WRN: variants seen among roughly 807,000 people sequenced by gnomAD.
WRN encodes the protein WRN RecQ like helicase, also known as bifunctional 3'-5' exonuclease/ATP-dependent helicase WRN.
Under a neutral mutation model 180.7 loss-of-function variants are expected in WRN, and 149 were observed. The ratio of observed to expected loss-of-function variants is 0.82; its 90% CI spans 0.72 to 0.94. The LOEUF (loss-of-function observed/expected upper bound fraction) is 0.94, where lower values mean the gene tolerates loss of function less well. Among genes scored for constraint, WRN ranks in the 40% least tolerant of loss-of-function variants. WRN has a pLI of 0.00. For synonymous variants in WRN, 548 were observed against 568.9 expected (o/e 0.96, Z 0.52); for missense variants, 1,661 against 1,700.1 (o/e 0.98, Z 0.40).
rs1439196176 is a variant in WRN at position 31,149,469 on chromosome 8, T to TTG, written c.3573-871_3573-870insGT. On this transcript the variant is annotated intron_variant, in intron 30 of 34. Coordinates refer to ENST00000298139, the MANE Select transcript of WRN (RefSeq NM_000553.6). Reference sequence around the variant, plus strand: ...TTAATAGAGGTGTTTTTTTTTTTTTTTTTTTTTTTTTTTTTTTTTTTTGGT... The same window carrying TTG: ...TTAATAGAGGTGTTTTTTTTTTTTTTTGTTTTTTTTTTTTTTTTTTTTTTGGT... Among the ~76,000 whole-genome samples the TTG allele has an allele frequency of 9.3e-4, 67 of 71,956 alleles. 15 individuals are homozygous for TTG. The highest frequency in any genetic ancestry group is 1.2e-3 in the Non-Finnish European group (42 of 33,648). 47.2% of individuals were successfully genotyped at this position (71,956 alleles called of 152,430 possible).
At chr8:31,155,315 A>G (rs1803337372) in intron 32 of WRN, among the ~76,000 whole-genome samples, 1 of 152,114 alleles carries the variant, frequency 6.6e-6, no homozygotes, top group Admixed American at 6.6e-5. Context: ...AAACAATCTA[A>G]TTGCTGTAAC....
chr8:31,146,699 T>A lies in WRN; in HGVS notation c.3384-354T>A, dbSNP rs1802869028. On this transcript the variant is annotated intron_variant, in intron 28 of 34. Transcript: ENST00000298139. ...TTAAGAAACCTTGGTTAAAACCTGT[T>A]GTATCCCAGTAAGTTAAAAGACGTT... Among the ~76,000 whole-genome samples the A allele has an allele frequency of 2.0e-5, 3 of 152,216 alleles. No homozygotes were observed. The South Asian group carries it at 6.2e-4, about 32-fold the overall frequency.
intron 1 of WRN, among the ~76,000 whole-genome samples, chr8:31,052,325 T>C (rs1812106488): frequency 6.6e-6 from 1 of 152,210 alleles, no homozygotes; most frequent in Non-Finnish European, 1.5e-5. Context: ...TAACCACTAA[T>C]GTTTTGGTAT....
intron 1 of WRN, among the ~76,000 whole-genome samples, chr8:31,038,381 ACTGT>A (rs138721167): frequency 2.0e-5 from 3 of 151,936 alleles, no homozygotes; most frequent in East Asian, 1.9e-4. Flanking sequence ...TTCTTTGGGA[ACTGT>A]CTATTAAGTC....
At chr8:31,106,251 C>T (rs1416555839) in intron 18 of WRN, among the ~76,000 whole-genome samples, 1 of 152,112 alleles carries the variant, frequency 6.6e-6, no homozygotes, top group African/African-American at 2.4e-5. Flanking sequence ...GCCACCATCT[C>T]CTTAGGGCCT....
intron 21 of WRN, among the ~76,000 whole-genome samples, chr8:31,123,775 T>C (rs1306848776): frequency 1.3e-5 from 2 of 152,136 alleles, no homozygotes; most frequent in Non-Finnish European, 2.9e-5. Context: ...GCAAAGCTAT[T>C]TGGGAGATTG....
chr8:31,083,580 T>C (rs536756412), intron 9 of WRN, 119 bp from the exon 10 acceptor site: 2 of 618,832 alleles, frequency 3.2e-6, no homozygotes, highest in African/African-American at 3.7e-5. Flanking sequence ...ATATATTATA[T>C]ATCCATTAGG....
chr8:31,086,240 T>C (rs1813526270), intron 11 of WRN, among the ~76,000 whole-genome samples: 1 of 152,102 alleles, frequency 6.6e-6, no homozygotes, highest in African/African-American at 2.4e-5. Context: ...TTATTGACTT[T>C]TTTAGTTTTG....
rs1804166112 is a variant in WRN, at chr8:31,173,116, A to G, written c.*14A>G. 3.1e-6 allele frequency: 5 copies of G among 1,601,792 alleles called. No homozygotes were observed. The highest frequency in any genetic ancestry group is 3.3e-5 in the Admixed American group (2 of 60,014). ...CTTTTTAGTTAAGCTGGCAATTACC[A>G]GAACAATTATGTTTCTTGCTGTATT... On this transcript the variant is annotated 3_prime_UTR_variant, in exon 35 of 35. Coordinates refer to ENST00000298139, the MANE Select transcript of WRN (RefSeq NM_000553.6).
At chr8:31,151,745 C>G (rs2130459080) in intron 31 of WRN, among the ~76,000 whole-genome samples, 1 of 152,080 alleles carries the variant, frequency 6.6e-6, no homozygotes, top group East Asian at 1.9e-4. Flanking sequence ...GGTATGAAAC[C>G]TTTATGAACC....
chr8:31,155,550 A>G (rs984307129), intron 32 of WRN, among the ~76,000 whole-genome samples: 9 of 148,086 alleles, frequency 6.1e-5, no homozygotes, highest in Non-Finnish European at 1.2e-4. Flanking sequence ...TGAACCCAGG[A>G]GGCAGAGGTT....
In WRN at chr8:31,108,984, CAGAGGGCAGT is replaced by C. The variant is rs1249983117; in HGVS notation, c.2089-2629_2089-2620del. Among the ~76,000 whole-genome samples, 7 of 152,264 alleles carry C rather than the reference CAGAGGGCAGT, an allele frequency of 4.6e-5. No homozygotes were observed. In the East Asian group the frequency reaches 1.4e-3, roughly 29 times the overall value. ...TCATCTTATACTGGTACTGCTGAGG[CAGAGGGCAGT>C]AATTGGTTCTTTGGGATAGGAGAAG... On this transcript the variant is annotated intron_variant, in intron 18 of 34. Transcript: ENST00000298139.
chr8:31,147,469 A>G lies in WRN; in HGVS notation c.3565A>G (p.Lys1189Glu). The G allele has an allele frequency of 6.2e-7, 1 of 1,608,764 alleles. No homozygotes were observed. Among genetic ancestry groups the G allele is most frequent in the Non-Finnish European group, 8.5e-7 (1 of 1,178,812 alleles). Residue 1189 changes from lysine (K) to glutamate (E), a missense_variant, in exon 30 of 35, where the codon AAA becomes GAA. Transcript: ENST00000298139. ...ATNKILVDMAKMRPTTVENVK... is the reference protein window; with the variant it reads ...ATNKILVDMAEMRPTTVENVK... ...AAACAAGATACTGGTGGATATGGCC[A>G]AAATGAGGTAAACTATCTTTTGCAT...
In WRN at chr8:31,065,037, G is replaced by T; in HGVS notation, c.478G>T (p.Glu160Ter). The T allele has an allele frequency of 1.2e-6, 2 of 1,613,506 alleles. No individual in the cohort carries two copies. Among genetic ancestry groups the T allele is most frequent in the Non-Finnish European group, 1.7e-6 (2 of 1,179,718 alleles). ...DFDIKLKNFV[E>*]LTDVANKKLK... ...TGATATCAAATTGAAGAATTTTGTG[G>T]AGTTGACAGATGTTGCCAATAAAAA... The change falls in exon 5 of 35, where the codon GAG (glutamate) becomes TAG (stop). Residue 160 changes from glutamate to a stop codon, truncating the protein, a stop_gained. Transcript: ENST00000298139. LOFTEE classifies it high-confidence loss of function.
At chr8:31,101,806 A>C (rs897489988) in intron 18 of WRN, among the ~76,000 whole-genome samples, 15 of 151,478 alleles carry the variant, frequency 9.9e-5, no homozygotes, top group Non-Finnish European at 1.5e-5. Flanking sequence ...AAAAAAAAAA[A>C]AAAAAAGTGA....
intron 9 of WRN, among the ~76,000 whole-genome samples, chr8:31,081,840 G>A (rs968259771): frequency 4.6e-5 from 7 of 151,774 alleles, no homozygotes; most frequent in Non-Finnish European, 7.4e-5. Flanking sequence ...GGCCCCCTGC[G>A]GTCTTCAACT....
chr8:31,047,793 T>C (rs1811926861), intron 1 of WRN, among the ~76,000 whole-genome samples: 1 of 152,242 alleles, frequency 6.6e-6, no homozygotes, highest in African/African-American at 2.4e-5. Context: ...TGATTTCAGC[T>C]GACTGGCTAT....
intron 24 of WRN, among the ~76,000 whole-genome samples, chr8:31,139,103 A>C (rs1228560260): frequency 3.3e-5 from 5 of 152,202 alleles, no homozygotes; most frequent in Non-Finnish European, 7.3e-5. Context: ...CTGTTTTAGA[A>C]GGCTTGTATT....
intron 15 of WRN, 147 bp from the exon 16 acceptor site, chr8:31,091,683 G>T: frequency 1.3e-6 from 1 of 755,476 alleles, no homozygotes; most frequent in Non-Finnish European, 2.1e-6. Context: ...GAAGGAATTT[G>T]CTTATCAAGT....
Sources: gnomAD v4.1 joint callset for allele counts (sites outside exome capture counted in the v4.1 genomes callset) on GRCh38, gnomAD v4.1.1 for gene constraint, MANE v1.5 for transcripts, NCBI Gene and HGNC (gene_info 2026-07-23, HGNC 2026-07-21) for gene names.